The following NTNG1 variants were observed in gnomAD, a reference collection of about 807,000 sequenced individuals.
NTNG1 encodes netrin-G1.
NTNG1 carries 16 observed loss-of-function variants against 54.0 expected under a neutral mutation model. The observed-to-expected ratio is 0.30, with a 90% CI of 0.20 to 0.45. The LOEUF is 0.45. Among genes scored for constraint, NTNG1 ranks in the 20% least tolerant of loss-of-function variants. NTNG1 has a pLI of 1.00. For synonymous variants in NTNG1, 255 were observed against 263.1 expected (o/e 0.97, Z 0.30); for missense variants, 530 against 678.7 (o/e 0.78, Z 2.43).
intron 2 of NTNG1, among the ~76,000 whole-genome samples, chr1:107,222,800 T>A (rs1162663711): frequency 3.0e-5 from 3 of 100,288 alleles, no homozygotes; most frequent in Non-Finnish European, 6.0e-5. Flanking sequence ...CCAGTGCTGC[T>A]TTTTTTTTTT....
intron 2 of NTNG1, among the ~76,000 whole-genome samples, chr1:107,258,287 G>GA (rs575965395): frequency 0.023 from 2,893 of 124,618 alleles, 102 homozygotes; most frequent in African/African-American, 0.074. Context: ...TAGTGGTTGA[G>GA]GAAAAAAAAA....
intron 3 of NTNG1, among the ~76,000 whole-genome samples, chr1:107,380,192 C>CT (rs980351069): frequency 4.6e-5 from 7 of 152,064 alleles, no homozygotes; most frequent in South Asian, 2.1e-4. Context: ...ATTAATCTCT[C>CT]TTTTTTTTCC....
intron 2 of NTNG1, among the ~76,000 whole-genome samples, chr1:107,198,846 A>G (rs1424598151): frequency 6.6e-6 from 1 of 151,886 alleles, no homozygotes; most frequent in African/African-American, 2.4e-5. Flanking sequence ...AACTTGGCTC[A>G]TGGAGTGTTT....
intron 5 of NTNG1, chr1:107,410,242 A>G (rs1290156939): frequency 6.6e-6 from 1 of 152,174 alleles, no homozygotes; most frequent in Non-Finnish European, 1.5e-5. Flanking sequence ...GATGTATATA[A>G]CCATCAGTTT....
chr1:107,240,946 T>C (rs1661783321), intron 2 of NTNG1, among the ~76,000 whole-genome samples: 1 of 152,220 alleles, frequency 6.6e-6, no homozygotes. Context: ...AGATGACAGA[T>C]CTAAAACGAA....
At chr1:107,333,347 A>G (rs1314721608) in intron 3 of NTNG1, among the ~76,000 whole-genome samples, 1 of 152,008 alleles carries the variant, frequency 6.6e-6, no homozygotes, top group African/African-American at 2.4e-5. Flanking sequence ...ATACTATTTT[A>G]CTGTTTCTCA....
chr1:107,162,341 T>A (rs1164314867), intron 2 of NTNG1, among the ~76,000 whole-genome samples: 1 of 152,162 alleles, frequency 6.6e-6, no homozygotes, highest in Non-Finnish European at 1.5e-5. Context: ...TGTTTATTGA[T>A]ATGCTTCCTC....
intron 2 of NTNG1, among the ~76,000 whole-genome samples, chr1:107,287,117 G>A (rs954030156): frequency 9.9e-5 from 15 of 152,198 alleles, no homozygotes; most frequent in African/African-American, 3.4e-4. Flanking sequence ...AATAATAGAT[G>A]TATTTATTTA....
chr1:107,245,650 A>C (rs985375022), intron 2 of NTNG1, among the ~76,000 whole-genome samples: 4 of 152,204 alleles, frequency 2.6e-5, no homozygotes, highest in Admixed American at 2.6e-4. Context: ...ACAGAACGTT[A>C]ATCTAGGAAA....
chr1:107,251,552 A>G (rs1174025125), intron 2 of NTNG1, among the ~76,000 whole-genome samples: 2 of 152,136 alleles, frequency 1.3e-5, no homozygotes, highest in African/African-American at 2.4e-5. Context: ...CATCTTCACT[A>G]CTTCTAGCAT....
chr1:107,251,447 C>T (rs1460857355), intron 2 of NTNG1, among the ~76,000 whole-genome samples: 1 of 152,102 alleles, frequency 6.6e-6, no homozygotes, highest in Non-Finnish European at 1.5e-5. Context: ...CTCAAATTCC[C>T]TTAGGTTTGT....
At chr1:107,229,688 T>C (rs1170929017) in intron 2 of NTNG1, among the ~76,000 whole-genome samples, 3 of 152,008 alleles carry the variant, frequency 2.0e-5, no homozygotes, top group African/African-American at 4.8e-5. Context: ...CTTCTAAAGA[T>C]TGCTATGCCA....
In NTNG1 at chr1:107,324,473, C is replaced by A; in HGVS notation, c.438C>A (p.Asp146Glu). 6.2e-7 allele frequency: 1 copy of A among 1,613,760 alleles called. No homozygotes were observed. The highest frequency in any genetic ancestry group is 8.5e-7 in the Non-Finnish European group (1 of 1,179,854). ...LSWSKTIELT[D>E]NIVITFESGR... ...GGAGCAAAACCATTGAGCTAACAGACAACATAGTTATTACCTTTGAATCTG... is the reference window on the plus strand; with the variant it reads ...GGAGCAAAACCATTGAGCTAACAGAAAACATAGTTATTACCTTTGAATCTG... The change falls in exon 3 of 8, where the codon GAC (aspartate) becomes GAA (glutamate). Residue 146 changes from aspartate (D) to glutamate (E), a missense_variant. By Grantham distance (45) the Asp-to-Glu change is conservative. Around this residue, in one of 2 missense-constraint regions of NTNG1, gnomAD observed 318 missense variants for 465.1 expected, o/e 0.68. Coordinates refer to ENST00000370068, the MANE Select transcript of NTNG1 (RefSeq NM_001113226.3).
chr1:107,297,485 A>T (rs1454042040), intron 2 of NTNG1, among the ~76,000 whole-genome samples: 2 of 151,932 alleles, frequency 1.3e-5, no homozygotes, highest in Non-Finnish European at 2.9e-5. Context: ...TTAGACATCT[A>T]ACAAATGATA....
At chr1:107,459,750 A>G (rs1677164195) in intron 7 of NTNG1, among the ~76,000 whole-genome samples, 1 of 152,158 alleles carries the variant, frequency 6.6e-6, no homozygotes, top group Admixed American at 6.5e-5. Context: ...GAGCACTTTA[A>G]CCTAGAACGT....
intron 2 of NTNG1, among the ~76,000 whole-genome samples, chr1:107,223,742 G>A (rs1660502924): frequency 1.3e-5 from 2 of 152,128 alleles, no homozygotes; most frequent in Admixed American, 1.3e-4. Flanking sequence ...AGGGATTACA[G>A]GACGGAGAGA....
chr1:107,328,895 G>A (rs1294310068), intron 3 of NTNG1: 2 of 152,008 alleles, frequency 1.3e-5, no homozygotes, highest in East Asian at 1.9e-4. Context: ...ACTGATTTTA[G>A]CCATAAGACA....
Position 107,474,137 on chromosome 1 carries a change from T to A in NTNG1, c.1391-6474T>A, listed in dbSNP as rs1196451823. ...AAAAGAAATCTGTCTAGCAAATAACTATTTGCATCCAGCACTGGATCAAGT... is the reference window on the plus strand; with the variant it reads ...AAAAGAAATCTGTCTAGCAAATAACAATTTGCATCCAGCACTGGATCAAGT... On this transcript the variant is annotated intron_variant, in intron 7 of 7. Coordinates refer to ENST00000370068, the MANE Select transcript of NTNG1 (RefSeq NM_001113226.3). Among the ~76,000 whole-genome samples, 6 of 152,338 alleles carry A rather than the reference T, an allele frequency of 3.9e-5. No individual in the cohort carries two copies. In the East Asian group the frequency reaches 1.2e-3, roughly 29 times the overall value.
At chr1:107,284,597 T>C (rs1038634613) in intron 2 of NTNG1, among the ~76,000 whole-genome samples, 2 of 152,030 alleles carry the variant, frequency 1.3e-5, no homozygotes, top group African/African-American at 4.8e-5. Context: ...ACATGGAAAA[T>C]GTTTACATAA....
Sources: gnomAD v4.1 joint callset for allele counts (sites outside exome capture counted in the v4.1 genomes callset) on GRCh38, gnomAD v4.1.1 for gene constraint, gnomAD v4.1.1 regional missense constraint, MANE v1.5 for transcripts, NCBI Gene and HGNC (gene_info 2026-07-23, HGNC 2026-07-21) for gene names.